The following CSRNP3 variants were observed in gnomAD, a reference collection of about 807,000 sequenced individuals.
The protein encoded by CSRNP3 is cysteine/serine-rich nuclear protein 3.
Under a neutral mutation model 48.0 loss-of-function variants are expected in CSRNP3, and 12 were observed. The ratio of observed to expected loss-of-function variants is 0.25; its 90% CI spans 0.16 to 0.41. The LOEUF is 0.41. Among genes scored for constraint, CSRNP3 ranks in the 10% least tolerant of loss-of-function variants. The pLI, the probability that CSRNP3 is intolerant of heterozygous loss-of-function variation, is 1.00. For missense variants in CSRNP3, 580 were observed against 724.4 expected (o/e 0.80, Z 2.29); for synonymous variants, 263 against 269.7 (o/e 0.98, Z 0.24).
intron 2 of CSRNP3, among the ~76,000 whole-genome samples, chr2:165,503,363 T>C (rs1684382753): frequency 6.6e-6 from 1 of 151,976 alleles, no homozygotes; most frequent in Admixed American, 6.6e-5. Context: ...CTATGCTAAA[T>C]TATCACATAT....
chr2:165,645,193 G>A (rs1176784881), intron 4 of CSRNP3, among the ~76,000 whole-genome samples: 3 of 152,116 alleles, frequency 2.0e-5, no homozygotes, highest in Admixed American at 2.0e-4. Context: ...AATGAGCTGG[G>A]TGTGGTGGCA....
At chr2:165,630,474 C>T (rs1363649203) in intron 4 of CSRNP3, among the ~76,000 whole-genome samples, 5 of 152,132 alleles carry the variant, frequency 3.3e-5, no homozygotes, top group East Asian at 1.9e-4. Context: ...TGCCATCTCC[C>T]GACTTCCCCA....
chr2:165,671,207 G>A (rs1473349623), intron 5 of CSRNP3, among the ~76,000 whole-genome samples: 2 of 152,142 alleles, frequency 1.3e-5, no homozygotes, highest in African/African-American at 4.8e-5. Flanking sequence ...AAATAAGGAT[G>A]TTGCATTTGA....
At chr2:165,668,972 C>T (rs1322577979) in intron 5 of CSRNP3, among the ~76,000 whole-genome samples, 1 of 152,164 alleles carries the variant, frequency 6.6e-6, no homozygotes, top group Non-Finnish European at 1.5e-5. Context: ...AAATTATATT[C>T]TCCGAACTTC....
chr2:165,473,623 G>A (rs1363949654), intron 1 of CSRNP3, among the ~76,000 whole-genome samples: 2 of 152,076 alleles, frequency 1.3e-5, no homozygotes, highest in African/African-American at 4.8e-5. Flanking sequence ...ATATTAAAAG[G>A]GGGTTGGTTC....
chr2:165,644,400 A>G (rs1686777789), intron 4 of CSRNP3, among the ~76,000 whole-genome samples: 2 of 152,206 alleles, frequency 1.3e-5, no homozygotes, highest in South Asian at 4.1e-4. Flanking sequence ...ATGTCATCTT[A>G]TCATTCAGAA....
chr2:165,687,734 C>T lies in CSRNP3; in HGVS notation c.*7981C>T, dbSNP rs1687653801. On this transcript the variant is annotated 3_prime_UTR_variant, in exon 7 of 7. Coordinates refer to ENST00000651982, the MANE Select transcript of CSRNP3 (RefSeq NM_001172173.2). ...ATGATTTAAAAATTTGTCTTCTTGA[C>T]AAGGCCTGAAAACGAAGGGAGGTGT... 6.6e-6 allele frequency: 1 copy of T among 152,010 alleles called. No homozygotes were observed. Among genetic ancestry groups the T allele is most frequent in the Admixed American group, 6.6e-5 (1 of 15,240 alleles). 9.4% of individuals were successfully genotyped at this position (152,010 alleles called of 1,614,324 possible).
intron 1 of CSRNP3, among the ~76,000 whole-genome samples, chr2:165,483,536 A>G (rs1684075623): frequency 6.6e-6 from 1 of 152,218 alleles, no homozygotes; most frequent in Non-Finnish European, 1.5e-5. Context: ...TAAAATTACT[A>G]AACTGTCATT....
chr2:165,624,038 CAA>C (rs896572072), intron 4 of CSRNP3, among the ~76,000 whole-genome samples: 27 of 152,182 alleles, frequency 1.8e-4, no homozygotes, highest in African/African-American at 5.5e-4. Flanking sequence ...CAACCAACAA[CAA>C]AAGAGTCCTA....
At chr2:165,580,083 C>T (rs1431919873) in intron 3 of CSRNP3, among the ~76,000 whole-genome samples, 2 of 151,878 alleles carry the variant, frequency 1.3e-5, no homozygotes, top group African/African-American at 4.8e-5. Context: ...CGCCTGCCAC[C>T]ACGCCTGGCT....
chr2:165,638,333 T>C (rs1573936114), intron 4 of CSRNP3, among the ~76,000 whole-genome samples: 1 of 152,214 alleles, frequency 6.6e-6, no homozygotes, highest in East Asian at 1.9e-4. Context: ...TGGTGGCACA[T>C]GCCTGTAGTC....
intron 4 of CSRNP3, among the ~76,000 whole-genome samples, chr2:165,609,052 A>G (rs368632343): frequency 1.7e-3 from 249 of 143,902 alleles, no homozygotes; most frequent in African/African-American, 6.0e-3. Context: ...GCTTGCAGTG[A>G]GCTGAGATGG....
rs1573955139 is a variant in CSRNP3, at chr2:165,665,803, A to AGAGAG, written c.408+7783_408+7784insGAGAG. On this transcript the variant is annotated intron_variant, in intron 5 of 6. Transcript: ENST00000651982. ...AGAGAGAGAGAGAGAGAGAGAGAGAAAGAGAGAAAGAGAAAGGAAGGAAGG... is the reference window on the plus strand; with the variant it reads ...AGAGAGAGAGAGAGAGAGAGAGAGAAGAGAGAGAGAGAAAGAGAAAGGAAGGAAGG... Among the ~76,000 whole-genome samples the AGAGAG allele has an allele frequency of 3.5e-4, 33 of 93,164 alleles. 1 individual carries two copies. The South Asian group carries it at 7.1e-3, about 20-fold the overall frequency. The allele number at this position is 93,164 out of a possible 152,430, so 61.1% of individuals were successfully genotyped here.
chr2:165,626,224 GAAA>G (rs568394048), intron 4 of CSRNP3, among the ~76,000 whole-genome samples: 1 of 134,262 alleles, frequency 7.4e-6, no homozygotes, highest in African/African-American at 2.7e-5. Context: ...CTCCTTCTCA[GAAA>G]AAAAAAAAAG....
chr2:165,482,733 G>A (rs1368694487), intron 1 of CSRNP3, among the ~76,000 whole-genome samples: 1 of 152,094 alleles, frequency 6.6e-6, no homozygotes, highest in Non-Finnish European at 1.5e-5. Context: ...TCCACCTCTT[G>A]CTTGTCTATG....
chr2:165,543,932 A>G (rs1684990271), intron 3 of CSRNP3, among the ~76,000 whole-genome samples: 1 of 152,048 alleles, frequency 6.6e-6, no homozygotes, highest in African/African-American at 2.4e-5. Flanking sequence ...GCCCTCCAGT[A>G]TCTTAACTTT....
rs531324676 is a variant in CSRNP3, at chr2:165,511,135, T to C, written c.-112-6738T>C. Among the ~76,000 whole-genome samples, 23 of 152,276 alleles carry C rather than the reference T, an allele frequency of 1.5e-4. No homozygotes were observed. In the South Asian group the frequency reaches 4.8e-3, roughly 32 times the overall value. On this transcript the variant is annotated intron_variant, in intron 2 of 6. Transcript: ENST00000651982. ...AGGAAGATAATGACAGAACTTACCA[T>C]TGGATTTGGCAATATTCAAGTTCAC...
At chr2:165,642,117 C>T (rs996901457) in intron 4 of CSRNP3, among the ~76,000 whole-genome samples, 4 of 148,094 alleles carry the variant, frequency 2.7e-5, no homozygotes, top group Non-Finnish European at 5.9e-5. Flanking sequence ...CACACACACA[C>T]ACACACACAC....
intron 4 of CSRNP3, among the ~76,000 whole-genome samples, chr2:165,639,586 A>C (rs999646025): frequency 6.6e-6 from 1 of 152,232 alleles, no homozygotes; most frequent in Admixed American, 6.5e-5. Flanking sequence ...ATTTTGAAAT[A>C]TACACAGGAG....
Sources: gnomAD v4.1 joint callset for allele counts (sites outside exome capture counted in the v4.1 genomes callset) on GRCh38, gnomAD v4.1.1 for gene constraint, MANE v1.5 for transcripts, NCBI Gene and HGNC (gene_info 2026-07-23, HGNC 2026-07-21) for gene names.